NOP9: variants seen among roughly 807,000 people sequenced by gnomAD.
NOP9 encodes the protein NOP9 nucleolar protein.
Under a neutral mutation model 63.0 loss-of-function variants are expected in NOP9, and 50 were observed. The observed-to-expected ratio is 0.79, with a 90% CI of 0.63 to 1.00. The LOEUF (loss-of-function observed/expected upper bound fraction) is 1.00, where lower values mean the gene tolerates loss of function less well. Among genes scored for constraint, NOP9 ranks in the 50% least tolerant of loss-of-function variants. The pLI is 0.00. For synonymous variants in NOP9, 343 were observed against 332.8 expected (o/e 1.03, Z -0.33); for missense variants, 758 against 803.0 (o/e 0.94, Z 0.68).
At chr14:24,290,122 A>G in the NOP9 span, among the ~76,000 whole-genome samples, 1 of 152,350 alleles carries the variant, frequency 6.6e-6, no homozygotes, top group South Asian at 2.1e-4. Context: ...AGGCAGCTCT[A>G]TAGGGCTCAT....
the NOP9 span, among the ~76,000 whole-genome samples, chr14:24,287,967 G>C: frequency 6.6e-6 from 1 of 152,218 alleles, no homozygotes; most frequent in Non-Finnish European, 1.5e-5. Context: ...CCCACATCCT[G>C]AATCTCTTCT....
chr14:24,296,469 G>A (rs1371802569), upstream of NOP9: 1 of 1,606,358 alleles, frequency 6.2e-7, no homozygotes, highest in African/African-American at 1.3e-5. Flanking sequence ...AGTTGGCTAA[G>A]TGAGTGAGGG....
chr14:24,291,142 C>G, the NOP9 span: 11 of 1,614,110 alleles, frequency 6.8e-6, no homozygotes, highest in Non-Finnish European at 9.3e-6. Flanking sequence ...TCCTCACCGT[C>G]CACATCCCGA....
Position 24,305,788 on chromosome 14 carries a change from AATC to A in NOP9, c.*695_*697del, listed in dbSNP as rs778151684. Reference sequence around the variant, plus strand: ...TCCCTGAATGGCAGAGACAAGAGGAAATCAGATGATTTGGAAAACTTGGGAGGA... The same window carrying A: ...TCCCTGAATGGCAGAGACAAGAGGAAAGATGATTTGGAAAACTTGGGAGGA... On this transcript the variant is annotated 3_prime_UTR_variant, in exon 10 of 10. Coordinates refer to ENST00000267425, the MANE Select transcript of NOP9 (RefSeq NM_174913.3). The A allele has an allele frequency of 1.1e-5, 18 of 1,609,088 alleles. No homozygotes were observed.
Position 24,306,002 on chromosome 14 carries a change from C to T in NOP9, c.*907C>T, listed in dbSNP as rs199780940. 6.2e-6 allele frequency: 10 copies of T among 1,613,986 alleles called. No homozygotes were observed. The highest frequency in any genetic ancestry group is 1.6e-4 in the Middle Eastern group (1 of 6,084). ...AAGTCACAACTCATAGAGTAGAGCC[C>T]GTAGAATGTGGCTTTGACATTCAGG... is the stretch of plus-strand genomic sequence containing the variant. On this transcript the variant is annotated 3_prime_UTR_variant, in exon 10 of 10. Coordinates refer to ENST00000267425, the MANE Select transcript of NOP9 (RefSeq NM_174913.3).
upstream of NOP9, chr14:24,296,779 G>C (rs374022789): frequency 2.5e-6 from 4 of 1,614,052 alleles, no homozygotes; most frequent in African/African-American, 5.3e-5. Flanking sequence ...ACATCTAGAC[G>C]CCCTTGCTGT....
chr14:24,274,063 T>C, the NOP9 span, among the ~76,000 whole-genome samples: 111 of 152,250 alleles, frequency 7.3e-4, no homozygotes, highest in Admixed American at 2.8e-3. Context: ...GGGCCACCCA[T>C]GTAATAAGTG....
At chr14:24,281,995 G>A in the NOP9 span, among the ~76,000 whole-genome samples, 1 of 152,202 alleles carries the variant, frequency 6.6e-6, no homozygotes, top group South Asian at 2.1e-4. Flanking sequence ...ATCACTTGAG[G>A]CCAGGAGCTT....
chr14:24,307,819 T>C lies in NOP9; in HGVS notation c.*2724T>C, dbSNP rs2041566786. ...GTAGAGCGGAGGGTTAGCAGTCACC[T>C]GAGTAAGTCACTGGGGTTCAGAGCT... On this transcript the variant is annotated 3_prime_UTR_variant, in exon 10 of 10. Coordinates refer to ENST00000267425, the MANE Select transcript of NOP9 (RefSeq NM_174913.3). The C allele has an allele frequency of 6.3e-7, 1 of 1,594,776 alleles. No individual in the cohort carries two copies. The highest frequency in any genetic ancestry group is 1.8e-5 in the Admixed American group (1 of 56,980).
At position 24,307,829 on chromosome 14, in the gene NOP9, A is replaced by C. The variant is rs766438053; in HGVS notation, c.*2734A>C. The stretch of plus-strand genomic sequence containing the variant: ...GGGTTAGCAGTCACCTGAGTAAGTC[A>C]CTGGGGTTCAGAGCTGAGAGGTACT... On this transcript the variant is annotated 3_prime_UTR_variant, in exon 10 of 10. Transcript: ENST00000267425. 1.9e-6 allele frequency: 3 copies of C among 1,595,718 alleles called. No homozygotes were observed. The highest frequency in any genetic ancestry group is 2.6e-6 in the Non-Finnish European group (3 of 1,170,824).
rs142940048 is a variant in NOP9, at chr14:24,306,063, G to T, written c.*968G>T. 1 of 1,614,048 alleles carries T rather than the reference G, an allele frequency of 6.2e-7. No individual in the cohort carries two copies. The highest frequency in any genetic ancestry group is 1.3e-5 in the African/African-American group (1 of 74,910). On this transcript the variant is annotated 3_prime_UTR_variant, in exon 10 of 10. Transcript: ENST00000267425. Reference sequence around the variant, plus strand: ...GGTCTCGAGGGTTTTGCTTGTACACGTCAAAGGTGAATCGGGCGATGTCCT... The same window carrying T: ...GGTCTCGAGGGTTTTGCTTGTACACTTCAAAGGTGAATCGGGCGATGTCCT...
the NOP9 span, chr14:24,290,802 C>T: frequency 3.1e-6 from 5 of 1,605,094 alleles, no homozygotes; most frequent in South Asian, 3.3e-5. Flanking sequence ...TGAGACAGGA[C>T]GAACCACCAA....
At chr14:24,298,959 C>G (rs201787891), upstream of NOP9, 2 of 1,605,868 alleles carry the variant, frequency 1.2e-6, no homozygotes, top group Admixed American at 3.3e-5. Context: ...GCACTCACCT[C>G]CTGAGCAACA....
the NOP9 span, among the ~76,000 whole-genome samples, chr14:24,277,093 A>C: frequency 6.6e-6 from 1 of 152,098 alleles, no homozygotes; most frequent in Non-Finnish European, 1.5e-5. Flanking sequence ...ATTTCTGAGG[A>C]CCAGTAGGCA....
the NOP9 span, among the ~76,000 whole-genome samples, chr14:24,288,078 G>C: frequency 6.6e-6 from 1 of 152,182 alleles, no homozygotes; most frequent in Non-Finnish European, 1.5e-5. Context: ...GAGAAGCACA[G>C]TGGTCTGCTG....
Position 24,304,574 on chromosome 14 carries a change from C to A in NOP9, c.1729C>A (p.Arg577=), listed in dbSNP as rs200100447. 3 of 1,612,108 alleles carry A rather than the reference C, an allele frequency of 1.9e-6. No homozygotes were observed. The highest frequency in any genetic ancestry group is 1.3e-5 in the African/African-American group (1 of 74,770). The change falls in exon 9 of 10, where the codon CGG becomes AGG. Residue 577 remains arginine (R), a synonymous_variant. Coordinates refer to ENST00000267425, the MANE Select transcript of NOP9 (RefSeq NM_174913.3). ...CTGGAGTGGAGCAGCCTTGAGGGCC[C>A]GGAAGGAAATTGCTGCTGAGCTTGG... The part of the protein sequence containing the change: ...AIWSGAALRA[R]KEIAAELGEQ...
rs747685888 is a variant in NOP9, at chr14:24,305,093, T to G, written c.1909T>G (p.Ter637GlyextTer9). The change falls in exon 10 of 10, where the codon TGA (stop) becomes GGA (glycine). Residue 637 changes from the stop codon to glycine, a stop_lost. Coordinates refer to ENST00000267425, the MANE Select transcript of NOP9 (RefSeq NM_174913.3). ...RRALNSILED[*>G] ...GGCATTGAACTCCATACTTGAAGAC[T>G]GAGGCTTTGGATCTGGGACTGGGTG... The G allele has an allele frequency of 1.3e-6, 2 of 1,509,800 alleles. No individual in the cohort carries two copies. Among genetic ancestry groups the G allele is most frequent in the Non-Finnish European group, 1.8e-6 (2 of 1,123,876 alleles). The allele number at this position is 1,509,800 out of a possible 1,614,324, so 93.5% of individuals were successfully genotyped here.
chr14:24,272,852 A>C, the NOP9 span, among the ~76,000 whole-genome samples: 4 of 152,208 alleles, frequency 2.6e-5, no homozygotes, highest in South Asian at 2.1e-4. Flanking sequence ...TTGCCACAGT[A>C]ATTCCTGTTT....
intron 2 of NOP9, among the ~76,000 whole-genome samples, chr14:24,301,187 C>T (rs2139118991): frequency 6.6e-6 from 1 of 152,270 alleles, no homozygotes; most frequent in South Asian, 2.1e-4. Flanking sequence ...TATACCCTTA[C>T]TACATGCAGC....
Sources: allele counts gnomAD v4.1 joint callset (sites outside exome capture counted in the v4.1 genomes callset), GRCh38; gene constraint gnomAD v4.1.1; transcripts MANE v1.5; gene names NCBI Gene and HGNC (gene_info 2026-07-23, HGNC 2026-07-21).